Variants in SUGT1 observed in about 807,000 individuals in gnomAD.
SUGT1 encodes SGT1 assembly cochaperone of MIS12 kinetochore complex, also known as protein SGT1 homolog.
Under a neutral mutation model 56.1 loss-of-function variants are expected in SUGT1, and 15 were observed. The ratio of observed to expected loss-of-function variants is 0.27; its 90% CI spans 0.18 to 0.41. The LOEUF (loss-of-function observed/expected upper bound fraction) is 0.41. SUGT1 is among the 10% of genes least tolerant of loss of function. The pLI is 1.00. For synonymous variants in SUGT1, 123 were observed against 128.6 expected (o/e 0.96, Z 0.30); for missense variants, 347 against 382.2 (o/e 0.91, Z 0.77).
At position 52,665,526 on chromosome 13, in the gene SUGT1, G is replaced by A; in HGVS notation, c.423-111G>A. ...TCTGTGAATCAGTAGTTGCTTTGCT[G>A]TTTTCTTCCTCCAGGTGGGGCTCTT... is the stretch of plus-strand genomic sequence containing the variant. On this transcript the variant is annotated intron_variant, in intron 8 of 12. Coordinates refer to ENST00000310528, the MANE Select transcript of SUGT1 (RefSeq NM_006704.5). 3 of 696,624 alleles carry A rather than the reference G, an allele frequency of 4.3e-6. 1 individual carries two copies. The South Asian group carries it at 5.9e-5, about 14-fold the overall frequency. The allele number at this position is 696,624 out of a possible 1,614,324, so 43.2% of individuals were successfully genotyped here. A position where few individuals can be genotyped will look rare whatever the true frequency, so the allele number is the denominator to read the frequency against.
chr13:52,654,461 A>C (rs1488950746), intron 2 of SUGT1, among the ~76,000 whole-genome samples: 2 of 152,200 alleles, frequency 1.3e-5, no homozygotes, highest in Admixed American at 6.5e-5. Flanking sequence ...ATTTTTATGG[A>C]GGCATATATG....
chr13:52,663,058 C>A, intron 6 of SUGT1, 38 bp from the exon 7 acceptor site: 1 of 1,601,390 alleles, frequency 6.2e-7, no homozygotes, highest in Admixed American at 1.7e-5. Context: ...TAAAAATGCA[C>A]TGTTCCCTGA....
At chr13:52,685,787 T>C (rs1963562515) in intron 12 of SUGT1, among the ~76,000 whole-genome samples, 1 of 152,176 alleles carries the variant, frequency 6.6e-6, no homozygotes, top group South Asian at 2.1e-4. Flanking sequence ...AAGACCAAGA[T>C]ATACAAAATA....
intron 10 of SUGT1, among the ~76,000 whole-genome samples, chr13:52,667,135 G>T (rs1962740282): frequency 6.6e-6 from 1 of 152,042 alleles, no homozygotes; most frequent in Admixed American, 6.6e-5. Context: ...TGTGGCATTT[G>T]TGTATTTACT....
intron 4 of SUGT1, among the ~76,000 whole-genome samples, chr13:52,658,937 T>G (rs1179910953): frequency 6.6e-6 from 1 of 152,070 alleles, no homozygotes; most frequent in Non-Finnish European, 1.5e-5. Context: ...ATAATTATAT[T>G]TTTGAGTAAG....
At chr13:52,681,966 G>T (rs1435439747) in intron 12 of SUGT1, among the ~76,000 whole-genome samples, 1 of 108,482 alleles carries the variant, frequency 9.2e-6, no homozygotes, top group Non-Finnish European at 1.7e-5. Context: ...CACAAATCTG[G>T]CAATCTTTGT....
chr13:52,663,828 G>A (rs1962565822), intron 7 of SUGT1, among the ~76,000 whole-genome samples: 1 of 152,056 alleles, frequency 6.6e-6, no homozygotes, highest in Non-Finnish European at 1.5e-5. Flanking sequence ...TTTAAATGCT[G>A]AGCATTCTAA....
intron 9 of SUGT1, among the ~76,000 whole-genome samples, chr13:52,666,115 T>G (rs868128928): frequency 2.2e-4 from 33 of 152,190 alleles, no homozygotes; most frequent in African/African-American, 7.2e-5. Context: ...TGAGACAGAG[T>G]CTCGCTCTTG....
rs1594223208 is a variant in SUGT1, at chr13:52,652,870, T to G, written c.-51T>G. 6.3e-7 allele frequency: 1 copy of G among 1,595,494 alleles called. No individual in the cohort carries two copies. Among genetic ancestry groups the G allele is most frequent in the Non-Finnish European group, 8.5e-7 (1 of 1,170,196 alleles). On this transcript the variant is annotated 5_prime_UTR_variant, in exon 1 of 13. Transcript: ENST00000310528. The stretch of plus-strand genomic sequence containing the variant: ...TTTCCCCCTTGGGCGGTGGTGGAGG[T>G]GGTAACCGTGATAGTAGCAGCTCCG...
In SUGT1 at chr13:52,698,603, T is replaced by TA. The variant is rs1964001106; in HGVS notation, c.*10768_*10769insA. On this transcript the variant is annotated 3_prime_UTR_variant, in exon 13 of 13. Transcript: ENST00000310528. ...CACTACTAGTGCACTAAGCTAATTT[T>TA]TAAATTTTTTTTGTAGAGACAGGGT... 3.1e-5 allele frequency: 4 copies of TA among 130,826 alleles called. No homozygotes were observed. The highest frequency in any genetic ancestry group is 7.1e-5 in the Non-Finnish European group (4 of 56,238). 8.1% of individuals were successfully genotyped at this position (130,826 alleles called of 1,614,324 possible).
At chr13:52,653,129 C>T in intron 2 of SUGT1, 26 bp downstream of exon 2, 1 of 1,613,960 alleles carries the variant, frequency 6.2e-7, no homozygotes, top group African/African-American at 1.3e-5. Context: ...TCTGCTTCCT[C>T]CACTCTTCTT....
intron 11 of SUGT1, among the ~76,000 whole-genome samples, chr13:52,678,984 T>G (rs1963260838): frequency 6.6e-6 from 1 of 152,148 alleles, no homozygotes; most frequent in Non-Finnish European, 1.5e-5. Context: ...GCCCGGCCTC[T>G]GTTGGTTTCA....
At chr13:52,678,922 A>G (rs566017147) in intron 11 of SUGT1, among the ~76,000 whole-genome samples, 61 of 152,004 alleles carry the variant, frequency 4.0e-4, no homozygotes, top group Non-Finnish European at 5.7e-4. Context: ...GCCTCAAGCA[A>G]TCCTCCTACT....
At position 52,690,220 on chromosome 13, in the gene SUGT1, C is replaced by T. The variant is rs1259631352; in HGVS notation, c.*2385C>T. ...TAGATTGCTGCCTAAGAATCCCACT[C>T]TAAAGTACTGCTTTGTTTAATCATT... On this transcript the variant is annotated 3_prime_UTR_variant, in exon 13 of 13. Coordinates refer to ENST00000310528, the MANE Select transcript of SUGT1 (RefSeq NM_006704.5). The T allele has an allele frequency of 2.0e-5, 3 of 152,156 alleles. No homozygotes were observed. Among genetic ancestry groups the T allele is most frequent in the African/African-American group, 7.2e-5 (3 of 41,432 alleles). 9.4% of individuals were successfully genotyped at this position (152,156 alleles called of 1,614,324 possible). A position where few individuals can be genotyped will look rare whatever the true frequency, so the allele number is the denominator to read the frequency against.
At position 52,680,066 on chromosome 13, in the gene SUGT1, T is replaced by C; in HGVS notation, c.811T>C (p.Leu271=). 1 of 1,597,760 alleles carries C rather than the reference T, an allele frequency of 6.3e-7. No individual in the cohort carries two copies. Among genetic ancestry groups the C allele is most frequent in the Non-Finnish European group, 8.5e-7 (1 of 1,175,828 alleles). The change falls in exon 12 of 13, where the codon TTG becomes CTG. Residue 271 remains leucine, a synonymous_variant. Coordinates refer to ENST00000310528, the MANE Select transcript of SUGT1 (RefSeq NM_006704.5). ...EIKEEEKNEK[L]EGDAALNRLF... ...CAAAGAAGAAGAAAAGAATGAAAAG[T>C]TGGAGGGAGATGCAGCTTTAAACAG...
At chr13:52,682,398 T>C (rs1458767494) in intron 12 of SUGT1, among the ~76,000 whole-genome samples, 1 of 151,890 alleles carries the variant, frequency 6.6e-6, no homozygotes, top group Non-Finnish European at 1.5e-5. Context: ...TGGGGGTGTC[T>C]CCGTATTGCT....
At chr13:52,663,721 A>G (rs781421700) in intron 7 of SUGT1, among the ~76,000 whole-genome samples, 146 of 152,318 alleles carry the variant, frequency 9.6e-4, no homozygotes, top group Non-Finnish European at 1.9e-3. Context: ...CATTTTATAT[A>G]AGCAACCTTT....
intron 10 of SUGT1, among the ~76,000 whole-genome samples, chr13:52,674,634 G>T (rs372210777): frequency 6.6e-6 from 1 of 151,868 alleles, no homozygotes; most frequent in South Asian, 2.1e-4. Flanking sequence ...AGAACCAAAG[G>T]GTGAATAGAC....
chr13:52,674,213 G>A (rs1963056136), intron 10 of SUGT1, among the ~76,000 whole-genome samples: 1 of 151,870 alleles, frequency 6.6e-6, no homozygotes. Flanking sequence ...CACTATGCCT[G>A]GCTATTTTTT....
Sources: gnomAD v4.1 joint callset for allele counts (sites outside exome capture counted in the v4.1 genomes callset) on GRCh38, gnomAD v4.1.1 for gene constraint, MANE v1.5 for transcripts, NCBI Gene and HGNC (gene_info 2026-07-23, HGNC 2026-07-21) for gene names.